WARS2: variants seen among roughly 807,000 people sequenced by gnomAD.
WARS2 encodes tryptophanyl tRNA synthetase 2, mitochondrial, also known as tryptophan--tRNA ligase, mitochondrial.
WARS2 carries 28 observed loss-of-function variants against 36.5 expected under a neutral mutation model. That is an observed-to-expected ratio of 0.77 (90% CI 0.57 to 1.05). The LOEUF is 1.05. Ranked by LOEUF, WARS2 falls within the 50% of genes least tolerant of loss-of-function variation. The pLI is 0.00. For synonymous variants in WARS2, 174 were observed against 178.4 expected (o/e 0.98, Z 0.20); for missense variants, 435 against 456.8 (o/e 0.95, Z 0.44).
At position 119,083,166 on chromosome 1, in the gene WARS2, T is replaced by C. The variant is rs587706218; in HGVS notation, c.91-6559A>G. ...ATCACTTGAACCCGGGAGGCAGAGG[T>C]TGCAGTGAGATGAGATAGCGCCATT... On this transcript the variant is annotated intron_variant, in intron 1 of 5. Coordinates refer to ENST00000235521, the MANE Select transcript of WARS2 (RefSeq NM_015836.4). Among the ~76,000 whole-genome samples, 4 of 151,984 alleles carry C rather than the reference T, an allele frequency of 2.6e-5. No individual in the cohort carries two copies. In the South Asian group the frequency reaches 8.3e-4, roughly 32 times the overall value.
intron 2 of WARS2, among the ~76,000 whole-genome samples, chr1:119,071,300 T>A (rs1054646019): frequency 6.6e-6 from 1 of 152,074 alleles, no homozygotes; most frequent in African/African-American, 2.4e-5. Context: ...TCAAAAAAAT[T>A]AAAAACAGGA....
At chr1:119,047,241 T>C (rs910603925) in intron 2 of WARS2, among the ~76,000 whole-genome samples, 3 of 151,966 alleles carry the variant, frequency 2.0e-5, no homozygotes, top group African/African-American at 7.3e-5. Context: ...TTAGAAGTAA[T>C]AAAACAAGAG....
At chr1:119,089,761 C>T (rs72707308) in intron 1 of WARS2, among the ~76,000 whole-genome samples, 4,379 of 152,188 alleles carry the variant, frequency 0.029, 100 homozygotes, top group Middle Eastern at 0.051. Flanking sequence ...AAGAATTATA[C>T]TGGTACATAT....
intron 2 of WARS2, among the ~76,000 whole-genome samples, chr1:119,058,982 A>C (rs1040322448): frequency 5.5e-4 from 84 of 152,102 alleles, no homozygotes; most frequent in African/African-American, 2.0e-3. Flanking sequence ...TGTTTCCTGA[A>C]TTTTTAATGA....
intron 3 of WARS2, among the ~76,000 whole-genome samples, chr1:119,044,120 C>T (rs745485089): frequency 3.3e-5 from 5 of 152,190 alleles, no homozygotes; most frequent in Non-Finnish European, 7.3e-5. Flanking sequence ...TGACATAAGA[C>T]TCACAGAAGA....
At chr1:119,048,156 G>A (rs1027506902) in intron 2 of WARS2, among the ~76,000 whole-genome samples, 1 of 152,206 alleles carries the variant, frequency 6.6e-6, no homozygotes. Flanking sequence ...GTGGGCTGAC[G>A]AGTGAGACTA....
intron 2 of WARS2, among the ~76,000 whole-genome samples, chr1:119,048,901 A>G (rs1003696810): frequency 6.6e-6 from 1 of 152,082 alleles, no homozygotes; most frequent in African/African-American, 2.4e-5. Flanking sequence ...CGTCTCTACT[A>G]AAAATACAAA....
rs141329515 is a variant in WARS2, at chr1:119,109,845, A to T, written c.90+30710T>A. Among the ~76,000 whole-genome samples the T allele has an allele frequency of 3.6e-4, 55 of 150,886 alleles. No homozygotes were observed. In the East Asian group the frequency reaches 0.011, roughly 29 times the overall value. Reference sequence around the variant, plus strand: ...CTTCCATACTTTTCTGTAGTTTTTAATTGGGCATTTTATATGATTCAATTT... The same window carrying T: ...CTTCCATACTTTTCTGTAGTTTTTATTTGGGCATTTTATATGATTCAATTT... On this transcript the variant is annotated intron_variant, in intron 1 of 5. Coordinates refer to ENST00000235521, the MANE Select transcript of WARS2 (RefSeq NM_015836.4).
chr1:119,083,340 C>T (rs1286978236), intron 1 of WARS2, among the ~76,000 whole-genome samples: 2 of 152,168 alleles, frequency 1.3e-5, no homozygotes, highest in Admixed American at 6.5e-5. Context: ...GAGGATGCAG[C>T]AACAAGGCAC....
At chr1:119,049,900 C>A (rs1411026571) in intron 2 of WARS2, among the ~76,000 whole-genome samples, 2 of 152,232 alleles carry the variant, frequency 1.3e-5, no homozygotes, top group African/African-American at 4.8e-5. Context: ...AACTTCCCAA[C>A]TGGTCTCCCT....
chr1:119,040,836 C>T (rs1486001701), intron 4 of WARS2, among the ~76,000 whole-genome samples: 1 of 152,154 alleles, frequency 6.6e-6, no homozygotes, highest in African/African-American at 2.4e-5. Flanking sequence ...AAGCAAATAT[C>T]CTACCTCTCT....
At chr1:119,054,403 G>T (rs1571283589) in intron 2 of WARS2, among the ~76,000 whole-genome samples, 2 of 151,988 alleles carry the variant, frequency 1.3e-5, no homozygotes, top group South Asian at 4.1e-4. Context: ...CCAGAAAATA[G>T]TAAGTGTGGT....
At chr1:119,045,146 T>C (rs1434989791) in intron 3 of WARS2, among the ~76,000 whole-genome samples, 7 of 152,252 alleles carry the variant, frequency 4.6e-5, no homozygotes, top group Non-Finnish European at 8.8e-5. Context: ...GAGTTTGAAC[T>C]GTTGCCTGGA....
Position 119,031,524 on chromosome 1 carries a change from C to T in WARS2, c.*1387G>A, listed in dbSNP as rs1647424716. On this transcript the variant is annotated 3_prime_UTR_variant, in exon 6 of 6. Transcript: ENST00000235521. ...TCCTTAAGAAACATGAGCAAAAATG[C>T]TTTGCTCAACAACCTAGTTATGTAT... is the stretch of plus-strand genomic sequence containing the variant. 6.6e-6 allele frequency: 1 copy of T among 152,188 alleles called. No homozygotes were observed. The highest frequency in any genetic ancestry group is 2.4e-5 in the African/African-American group (1 of 41,436). 9.4% of individuals were successfully genotyped at this position (152,188 alleles called of 1,614,324 possible).
At chr1:119,120,477 A>C (rs1055086646) in intron 1 of WARS2, among the ~76,000 whole-genome samples, 1 of 152,172 alleles carries the variant, frequency 6.6e-6, no homozygotes, top group East Asian at 1.9e-4. Flanking sequence ...CAGACATTCA[A>C]AGAAGAATTA....
At chr1:119,081,199 C>T (rs929630362) in intron 1 of WARS2, among the ~76,000 whole-genome samples, 4 of 152,208 alleles carry the variant, frequency 2.6e-5, no homozygotes, top group Non-Finnish European at 4.4e-5. Context: ...GTACTGAGCA[C>T]ATCCAAAATG....
intron 1 of WARS2, among the ~76,000 whole-genome samples, chr1:119,096,848 T>C (rs1653477592): frequency 6.6e-6 from 1 of 152,220 alleles, no homozygotes; most frequent in Admixed American, 6.5e-5. Flanking sequence ...TGAAAATGTA[T>C]CTTCAAAGTG....
At chr1:119,076,666 C>A in intron 1 of WARS2, 59 bp from the exon 2 acceptor site, 2 of 1,596,022 alleles carry the variant, frequency 1.3e-6, no homozygotes, top group African/African-American at 1.3e-5. Flanking sequence ...GAATCCTATG[C>A]CCATGTTATC....
chr1:119,073,333 A>ATCC (rs2101296244), intron 2 of WARS2, among the ~76,000 whole-genome samples: 1 of 152,054 alleles, frequency 6.6e-6, no homozygotes, highest in East Asian at 1.9e-4. Context: ...TATCCCATCC[A>ATCC]TCCATCCATC....
Sources: allele counts gnomAD v4.1 joint callset (sites outside exome capture counted in the v4.1 genomes callset), GRCh38; gene constraint gnomAD v4.1.1; transcripts MANE v1.5; gene names NCBI Gene and HGNC (gene_info 2026-07-23, HGNC 2026-07-21).